Variants in LIN52 observed in about 807,000 individuals in gnomAD.
LIN52 encodes protein lin-52 homolog.
In LIN52, 4 loss-of-function variants were observed where a neutral mutation model predicts 18.5. The observed-to-expected ratio is 0.22, with a 90% confidence interval of 0.11 to 0.49. The LOEUF is 0.49. Ranked by LOEUF, LIN52 falls within the 20% of genes least tolerant of loss-of-function variation. LIN52 has a pLI of 0.97. For synonymous variants in LIN52, 34 were observed against 45.5 expected (o/e 0.75, Z 1.02); for missense variants, 102 against 139.5 (o/e 0.73, Z 1.35).
intron 5 of LIN52, among the ~76,000 whole-genome samples, chr14:74,132,343 C>A (rs575786063): frequency 5.9e-5 from 9 of 152,272 alleles, no homozygotes; most frequent in Admixed American, 5.9e-4. Flanking sequence ...TGTAAATAAC[C>A]TTTATTTCAC....
At chr14:74,124,642 C>A (rs1232740982) in intron 5 of LIN52, among the ~76,000 whole-genome samples, 1 of 151,750 alleles carries the variant, frequency 6.6e-6, no homozygotes, top group Non-Finnish European at 1.5e-5. Flanking sequence ...GAAACCCCAT[C>A]TCTGCAAAAA....
chr14:74,125,020 C>T (rs970511721), intron 5 of LIN52, among the ~76,000 whole-genome samples: 1 of 152,066 alleles, frequency 6.6e-6, no homozygotes, highest in African/African-American at 2.4e-5. Context: ...AATTATATTT[C>T]TGATAAGGGG....
chr14:74,131,327 T>C (rs1233490270), intron 5 of LIN52, among the ~76,000 whole-genome samples: 2 of 152,014 alleles, frequency 1.3e-5, no homozygotes, highest in Admixed American at 1.3e-4. Context: ...GACTTTTTTT[T>C]TTTTTTTTGA....
intron 4 of LIN52, 52 bp from the exon 5 acceptor site, chr14:74,101,103 T>C: frequency 6.9e-7 from 1 of 1,447,154 alleles, no homozygotes. Context: ...AGGAAGTTGC[T>C]ACTAGAGAAG....
At chr14:74,163,266 G>C (rs533159840) in intron 5 of LIN52, among the ~76,000 whole-genome samples, 1 of 152,192 alleles carries the variant, frequency 6.6e-6, no homozygotes, top group African/African-American at 2.4e-5. Flanking sequence ...TTTTTGTAGA[G>C]ACGGGGTTTC....
At chr14:74,159,028 A>G (rs1400939515) in intron 5 of LIN52, among the ~76,000 whole-genome samples, 2 of 152,148 alleles carry the variant, frequency 1.3e-5, no homozygotes, top group South Asian at 2.1e-4. Flanking sequence ...TTTCCAACAC[A>G]GGGTTCCTGG....
At chr14:74,097,379 T>G (rs931682016) in intron 3 of LIN52, among the ~76,000 whole-genome samples, 6 of 152,030 alleles carry the variant, frequency 3.9e-5, no homozygotes, top group African/African-American at 1.4e-4. Flanking sequence ...TGCCAGTATT[T>G]CCAAACAACC....
In LIN52 at chr14:74,158,407, G is replaced by A. The variant is rs546736296; in HGVS notation, c.284-40515G>A. On this transcript the variant is annotated intron_variant, in intron 5 of 5. Coordinates refer to ENST00000555028, the MANE Select transcript of LIN52 (RefSeq NM_001024674.3). Reference sequence around the variant, plus strand: ...GGATTATAGGCGTGAGCCACCGTGCGTGGCCCGCCCCCTACTGCTGTCGTA... The same window carrying A: ...GGATTATAGGCGTGAGCCACCGTGCATGGCCCGCCCCCTACTGCTGTCGTA... Among the ~76,000 whole-genome samples, 7 of 149,700 alleles carry A rather than the reference G, an allele frequency of 4.7e-5. 1 individual carries two copies. The highest frequency in any genetic ancestry group is 2.1e-4 in the South Asian group (1 of 4,664).
At chr14:74,173,889 C>T (rs974714) in intron 5 of LIN52, among the ~76,000 whole-genome samples, 1 of 152,212 alleles carries the variant, frequency 6.6e-6, no homozygotes, top group East Asian at 1.9e-4. Flanking sequence ...ATTTTCTGCC[C>T]GTTCTCTTGC....
At chr14:74,177,668 A>G (rs2061299973) in intron 5 of LIN52, among the ~76,000 whole-genome samples, 1 of 152,244 alleles carries the variant, frequency 6.6e-6, no homozygotes, top group Admixed American at 6.5e-5. Flanking sequence ...TAGGATGGAA[A>G]AGAATGATGT....
At chr14:74,143,369 A>G (rs1426942405) in intron 5 of LIN52, among the ~76,000 whole-genome samples, 1 of 152,122 alleles carries the variant, frequency 6.6e-6, no homozygotes, top group East Asian at 1.9e-4. Flanking sequence ...GACGACATAG[A>G]AAGACCCTGT....
At chr14:74,197,559 G>C (rs979526561) in intron 5 of LIN52, among the ~76,000 whole-genome samples, 14 of 152,174 alleles carry the variant, frequency 9.2e-5, no homozygotes, top group Non-Finnish European at 2.1e-4. Flanking sequence ...GAACTTTCTT[G>C]TACAGGATTT....
At chr14:74,195,197 C>G (rs1358763023) in intron 5 of LIN52, among the ~76,000 whole-genome samples, 3 of 152,146 alleles carry the variant, frequency 2.0e-5, no homozygotes, top group Non-Finnish European at 2.9e-5. Context: ...ATAACACTCT[C>G]TCTCTCCCAA....
At chr14:74,124,769 C>T (rs1203556750) in intron 5 of LIN52, among the ~76,000 whole-genome samples, 3 of 144,816 alleles carry the variant, frequency 2.1e-5, no homozygotes, top group Admixed American at 1.4e-4. Flanking sequence ...CAAGATTGCA[C>T]CACTGCACCC....
chr14:74,142,317 T>A (rs8014142), intron 5 of LIN52, among the ~76,000 whole-genome samples: 118,004 of 152,092 alleles, frequency 0.78, 46,100 homozygotes, highest in Admixed American at 0.81. Context: ...TGTTTCAGAC[T>A]TTTTATACAG....
chr14:74,140,024 T>C (rs2061120999), intron 5 of LIN52, among the ~76,000 whole-genome samples: 1 of 152,068 alleles, frequency 6.6e-6, no homozygotes, highest in African/African-American at 2.4e-5. Flanking sequence ...ATTATATAAT[T>C]AATATAAAGC....
chr14:74,159,567 G>GT (rs11288935), intron 5 of LIN52, among the ~76,000 whole-genome samples: 50 of 133,606 alleles, frequency 3.7e-4, no homozygotes, highest in South Asian at 3.6e-3. Flanking sequence ...TGTGGGGTTT[G>GT]TTTTTTTTTT....
intron 5 of LIN52, among the ~76,000 whole-genome samples, chr14:74,113,731 A>T (rs2060945194): frequency 6.6e-6 from 1 of 151,920 alleles, no homozygotes; most frequent in Admixed American, 6.6e-5. Flanking sequence ...GTTTGGGGAG[A>T]CCCTTTACTA....
chr14:74,146,604 A>G (rs1307951358), intron 5 of LIN52, among the ~76,000 whole-genome samples: 2 of 152,250 alleles, frequency 1.3e-5, no homozygotes, highest in East Asian at 3.8e-4. Flanking sequence ...TAACAATTAT[A>G]GATTGATTGT....
Sources: allele counts gnomAD v4.1 joint callset (sites outside exome capture counted in the v4.1 genomes callset), GRCh38; gene constraint gnomAD v4.1.1; transcripts MANE v1.5; gene names NCBI Gene and HGNC (gene_info 2026-07-23, HGNC 2026-07-21).